The following CCSER2 variants were observed in gnomAD, a reference collection of about 807,000 sequenced individuals.
CCSER2 encodes coiled-coil serine rich protein 2, also known as serine-rich coiled-coil domain-containing protein 2.
CCSER2 carries 46 observed loss-of-function variants against 92.3 expected under a neutral mutation model. The observed-to-expected ratio is 0.50, with a 90% confidence interval of 0.39 to 0.64. The LOEUF (loss-of-function observed/expected upper bound fraction) is 0.64. CCSER2 is among the 30% of genes least tolerant of loss of function. CCSER2 has a pLI of 0.00. For synonymous variants in CCSER2, 433 were observed against 431.4 expected (o/e 1.00, Z -0.04); for missense variants, 1,244 against 1,238.9 (o/e 1.00, Z -0.06).
intron 6 of CCSER2, among the ~76,000 whole-genome samples, chr10:84,459,910 A>G (rs1230766694): frequency 6.6e-6 from 1 of 151,720 alleles, no homozygotes; most frequent in Admixed American, 6.6e-5. Context: ...TGGATATTGA[A>G]TTTTGCCAGG....
intron 3 of CCSER2, among the ~76,000 whole-genome samples, chr10:84,416,472 A>G (rs766521650): frequency 4.6e-5 from 7 of 152,322 alleles, no homozygotes; most frequent in Middle Eastern, 6.8e-3. Context: ...AAAATGAAAA[A>G]AAAATTTCCA....
intron 3 of CCSER2, among the ~76,000 whole-genome samples, chr10:84,405,502 A>T (rs1842333799): frequency 6.6e-6 from 1 of 152,220 alleles, no homozygotes; most frequent in Non-Finnish European, 1.5e-5. Context: ...GATACTGTCA[A>T]GAAACAATAA....
chr10:84,475,691 A>G (rs1225629830), intron 8 of CCSER2, among the ~76,000 whole-genome samples: 1 of 152,238 alleles, frequency 6.6e-6, no homozygotes, highest in Non-Finnish European at 1.5e-5. Context: ...GAATTGCAAT[A>G]GGATGGAATA....
intron 3 of CCSER2, chr10:84,389,553 G>T: frequency 4.0e-6 from 1 of 250,448 alleles, no homozygotes; most frequent in Non-Finnish European, 8.0e-6. Flanking sequence ...TGCAGATGTG[G>T]CATTGACTTT....
At chr10:84,475,600 A>G (rs899169141) in intron 8 of CCSER2, among the ~76,000 whole-genome samples, 1 of 152,164 alleles carries the variant, frequency 6.6e-6, no homozygotes, top group South Asian at 2.1e-4. Context: ...AATAATCCCA[A>G]ATCAAAAGTG....
At chr10:84,385,006 C>T (rs915862180) in intron 3 of CCSER2, among the ~76,000 whole-genome samples, 73 of 141,574 alleles carry the variant, frequency 5.2e-4, no homozygotes, top group Non-Finnish European at 9.1e-4. Context: ...TTACAATAAA[C>T]ACACACACAC....
At chr10:84,513,375 C>A in intron 9 of CCSER2, 74 bp from the exon 10 acceptor site, 1 of 1,119,528 alleles carries the variant, frequency 8.9e-7, no homozygotes, top group East Asian at 2.4e-5. Context: ...CCAACACAGC[C>A]TAATTGGTAT....
intron 6 of CCSER2, among the ~76,000 whole-genome samples, chr10:84,444,951 C>T (rs1341459936): frequency 6.6e-6 from 1 of 152,102 alleles, no homozygotes; most frequent in Non-Finnish European, 1.5e-5. Flanking sequence ...AAAACTAAGA[C>T]TGAAATTTAA....
chr10:84,488,725 TG>T (rs1170930861), intron 9 of CCSER2, among the ~76,000 whole-genome samples: 2 of 152,326 alleles, frequency 1.3e-5, no homozygotes, highest in South Asian at 2.1e-4. Flanking sequence ...AAGGATTTTT[TG>T]TGTCTATTTC....
intron 3 of CCSER2, among the ~76,000 whole-genome samples, chr10:84,416,466 T>C (rs901893369): frequency 3.9e-5 from 6 of 152,062 alleles, no homozygotes; most frequent in Non-Finnish European, 5.9e-5. Context: ...TTTTTAAAAA[T>C]GAAAAAAAAA....
chr10:84,378,035 C>T (rs1349610300), intron 3 of CCSER2, among the ~76,000 whole-genome samples: 1 of 152,158 alleles, frequency 6.6e-6, no homozygotes, highest in South Asian at 2.1e-4. Flanking sequence ...TGCCTCACCA[C>T]CCCAGCGCTT....
chr10:84,419,907 A>G (rs1843055585), intron 4 of CCSER2, among the ~76,000 whole-genome samples: 1 of 152,238 alleles, frequency 6.6e-6, no homozygotes, highest in Non-Finnish European at 1.5e-5. Context: ...AAGATCAAGT[A>G]GAAAAATATT....
intron 4 of CCSER2, among the ~76,000 whole-genome samples, chr10:84,420,749 T>C (rs566159084): frequency 1.3e-5 from 2 of 151,976 alleles, no homozygotes; most frequent in Admixed American, 6.5e-5. Flanking sequence ...CTGGCTAACA[T>C]GGTGAAACCC....
At chr10:84,441,736 GTTTTTTTTTTTTTTTTTTTTTTTT>G (rs869280119) in intron 6 of CCSER2, among the ~76,000 whole-genome samples, 528 of 43,646 alleles carry the variant, frequency 0.012, 16 homozygotes, top group African/African-American at 0.028. Context: ...CTGGGAAAAT[GTTTTTTTTTTTTTTTTTTTTTTTT>G]TTTTTTTTTT....
chr10:84,373,836 T>C, intron 3 of CCSER2, 21 bp downstream of exon 3: 1 of 1,613,218 alleles, frequency 6.2e-7, no homozygotes, highest in South Asian at 1.1e-5. Context: ...ATTTATATAC[T>C]CTTGGAATAT....
chr10:84,479,444 C>A (rs747128290), intron 9 of CCSER2, among the ~76,000 whole-genome samples: 1 of 152,042 alleles, frequency 6.6e-6, no homozygotes, highest in Non-Finnish European at 1.5e-5. Flanking sequence ...GAGATTTGTC[C>A]AAGGGGATTT....
intron 6 of CCSER2, chr10:84,455,274 TTTCTTTTTC>T (rs1845540847): frequency 1.9e-5 from 2 of 104,688 alleles, no homozygotes; most frequent in Non-Finnish European, 3.6e-5. Flanking sequence ...TCTTTTTCTT[TTTCTTTTTC>T]TTTTTTTTTT....
intron 1 of CCSER2, among the ~76,000 whole-genome samples, chr10:84,347,672 C>T (rs1054632647): frequency 6.6e-5 from 10 of 151,034 alleles, no homozygotes; most frequent in South Asian, 2.1e-4. Flanking sequence ...GGGCGGCTGC[C>T]GGGCGGAGGG....
At chr10:84,428,311 C>T (rs11201031) in intron 5 of CCSER2, among the ~76,000 whole-genome samples, 54,100 of 152,038 alleles carry the variant, frequency 0.36, 11,533 homozygotes, top group East Asian at 0.5. Flanking sequence ...AAGGGGTGTT[C>T]AACCTAGATC....
Sources: allele counts gnomAD v4.1 joint callset (sites outside exome capture counted in the v4.1 genomes callset), GRCh38; gene constraint gnomAD v4.1.1; transcripts MANE v1.5; gene names NCBI Gene and HGNC (gene_info 2026-07-23, HGNC 2026-07-21).